Variants in WDR43 observed in about 807,000 individuals in gnomAD.
The protein encoded by WDR43 is WD repeat domain 43.
A neutral mutation model predicts 91.4 loss-of-function variants in WDR43; 13 were observed. The observed-to-expected ratio is 0.14, with a 90% CI of 0.09 to 0.23. WDR43 has a LOEUF of 0.23. WDR43 is among the 10% of genes least tolerant of loss of function. The probability of loss-of-function intolerance (pLI) is 1.00; values close to 1 mark genes in which losing one functional copy is unlikely to be tolerated. For missense variants in WDR43, 780 were observed against 809.4 expected, an observed-to-expected ratio of 0.96 and a Z score of 0.44; for synonymous variants, 331 against 287.9, an observed-to-expected ratio of 1.15 and a Z score of -1.51.
At chr2:28,906,366 A>C (rs1364308762) in intron 2 of WDR43, 94 bp from the exon 3 acceptor site, 2 of 1,278,724 alleles carry the variant, frequency 1.6e-6, no homozygotes, top group African/African-American at 1.5e-5. Context: ...TCATGCCTGT[A>C]ATCCCAGCAT....
intron 3 of WDR43, among the ~76,000 whole-genome samples, chr2:28,908,717 C>T (rs1205647842): frequency 1.3e-5 from 2 of 152,200 alleles, no homozygotes; most frequent in East Asian, 3.8e-4. Context: ...TCATCGTTAG[C>T]ATTCTTACGC....
At chr2:28,929,370 C>T (rs944206310) in intron 10 of WDR43, among the ~76,000 whole-genome samples, 5 of 151,978 alleles carry the variant, frequency 3.3e-5, no homozygotes, top group African/African-American at 1.2e-4. Flanking sequence ...TTGTTTTTTT[C>T]ACTAGAATCT....
At chr2:28,925,801 AAAT>A (rs1472824797) in intron 8 of WDR43, among the ~76,000 whole-genome samples, 2 of 152,208 alleles carry the variant, frequency 1.3e-5, no homozygotes, top group African/African-American at 4.8e-5. Context: ...TTAATTAAAA[AAAT>A]AAAAAAAGGA....
At chr2:28,937,743 T>C (rs1391333196) in intron 13 of WDR43, among the ~76,000 whole-genome samples, 188 bp from the exon 14 acceptor site, 2 of 152,204 alleles carry the variant, frequency 1.3e-5, no homozygotes, top group Admixed American at 6.5e-5. Context: ...CCAAGGTCTA[T>C]GACACAGAGC....
At position 28,946,864 on chromosome 2, in the gene WDR43, A is replaced by C. The variant is rs1437559499; in HGVS notation, c.*85A>C. On this transcript the variant is annotated 3_prime_UTR_variant, in exon 18 of 18. Coordinates refer to ENST00000407426, the MANE Select transcript of WDR43 (RefSeq NM_015131.3). Reference sequence around the variant, plus strand: ...GGGCTGCCTCTGTGCCAGGATGCCAAGGACCGCTGCACATTTCCAAATTCA... The same window carrying C: ...GGGCTGCCTCTGTGCCAGGATGCCACGGACCGCTGCACATTTCCAAATTCA... The C allele has an allele frequency of 1.4e-6, 2 of 1,427,566 alleles. No individual in the cohort carries two copies. Among genetic ancestry groups the C allele is most frequent in the East Asian group, 2.5e-5 (1 of 40,208 alleles). 88.4% of individuals were successfully genotyped at this position (1,427,566 alleles called of 1,614,324 possible). A position where few individuals can be genotyped will look rare whatever the true frequency, so the allele number is the denominator to read the frequency against.
intron 4 of WDR43, chr2:28,913,757 T>C (rs4666133): frequency 0.29 from 159,306 of 552,770 alleles, 28,871 homozygotes; most frequent in East Asian, 0.78. Flanking sequence ...ACCCAAAGTA[T>C]GCCTTTTAAA....
intron 16 of WDR43, 71 bp downstream of exon 16, chr2:28,942,452 C>G (rs1671456693): frequency 1.3e-6 from 2 of 1,506,054 alleles, no homozygotes; most frequent in Non-Finnish European, 1.8e-6. Flanking sequence ...GTTCTGTTAT[C>G]TTTTTGAAAA....
chr2:28,927,465 T>G, intron 9 of WDR43, 104 bp from the exon 10 acceptor site: 1 of 1,336,408 alleles, frequency 7.5e-7, no homozygotes, highest in Non-Finnish European at 1.0e-6. Flanking sequence ...TTATATTGCA[T>G]TTTTCCAATA....
At position 28,946,597 on chromosome 2, in the gene WDR43, T is replaced by C. The variant is rs745427438; in HGVS notation, c.1855-3T>C. 1.3e-6 allele frequency: 2 copies of C among 1,560,072 alleles called. No homozygotes were observed. The highest frequency in any genetic ancestry group is 1.2e-5 in the South Asian group (1 of 84,742). Reference sequence around the variant, plus strand: ...ATGCTTTCCTTGTTGGTATTTCGACTAGGATAATTGGGATGAAGATGAGGA... The same window carrying C: ...ATGCTTTCCTTGTTGGTATTTCGACCAGGATAATTGGGATGAAGATGAGGA... On this transcript the variant is annotated splice_region_variant and splice_polypyrimidine_tract_variant and intron_variant, in intron 17 of 17. Transcript: ENST00000407426.
intron 14 of WDR43, 116 bp from the exon 15 acceptor site, chr2:28,941,345 C>T: frequency 1.4e-6 from 1 of 693,778 alleles, no homozygotes; most frequent in Non-Finnish European, 2.4e-6. Flanking sequence ...ACTGGGAGTA[C>T]TTGTAAGCAG....
intron 11 of WDR43, among the ~76,000 whole-genome samples, chr2:28,930,420 G>A (rs917402850): frequency 2.0e-5 from 3 of 152,196 alleles, no homozygotes; most frequent in Non-Finnish European, 2.9e-5. Flanking sequence ...TATTCTTAAT[G>A]ACTCATAGCA....
rs1287267727 is a variant in WDR43, at chr2:28,947,054, ATATCC to A, written c.*278_*282del. The A allele has an allele frequency of 4.2e-6, 1 of 236,410 alleles. No homozygotes were observed. Among genetic ancestry groups the A allele is most frequent in the Non-Finnish European group, 8.1e-6 (1 of 123,110 alleles). The allele number at this position is 236,410 out of a possible 1,614,324, so 14.6% of individuals were successfully genotyped here. On this transcript the variant is annotated 3_prime_UTR_variant, in exon 18 of 18. Coordinates refer to ENST00000407426, the MANE Select transcript of WDR43 (RefSeq NM_015131.3). Reference sequence around the variant, plus strand: ...ATATATGGTATATTTTTATAATATAATATCCTAGTATGATTGGTTATATCAAGAAT... The same window carrying A: ...ATATATGGTATATTTTTATAATATAATAGTATGATTGGTTATATCAAGAAT...
At chr2:28,938,042 A>T (rs1671366205) in intron 14 of WDR43, 48 bp downstream of exon 14, 1 of 1,597,854 alleles carries the variant, frequency 6.3e-7, no homozygotes, top group Non-Finnish European at 8.6e-7. Context: ...TTTGGCTTTG[A>T]TAAGGATTGT....
At chr2:28,931,866 C>A (rs909446355) in intron 11 of WDR43, among the ~76,000 whole-genome samples, 1 of 145,368 alleles carries the variant, frequency 6.9e-6, no homozygotes, top group African/African-American at 2.6e-5. Flanking sequence ...CATGCCCTTC[C>A]CCCCGCCCTT....
At chr2:28,901,245 C>T (rs1670573680) in intron 1 of WDR43, among the ~76,000 whole-genome samples, 1 of 152,186 alleles carries the variant, frequency 6.6e-6, no homozygotes, top group African/African-American at 2.4e-5. Flanking sequence ...GCATTATAAA[C>T]TGATGTAGTG....
intron 2 of WDR43, 102 bp downstream of exon 2, chr2:28,902,226 C>A: frequency 8.3e-7 from 1 of 1,203,600 alleles, no homozygotes; most frequent in Non-Finnish European, 1.1e-6. Context: ...GGGATCTGTG[C>A]AGTAGGGACA....
At chr2:28,946,380 C>T in intron 16 of WDR43, 70 bp from the exon 17 acceptor site, 1 of 1,421,602 alleles carries the variant, frequency 7.0e-7, no homozygotes, top group Non-Finnish European at 9.4e-7. Context: ...GAATCTGGTT[C>T]TGCTTAATTT....
rs754562695 is a variant in WDR43, at chr2:28,927,557, C to A, written c.1174-12C>A. ...TTTCCTTTTTCACACTTTGGCTATT[C>A]CTGTTGAACAGGTGAGGACACCAGT... On this transcript the variant is annotated splice_polypyrimidine_tract_variant and intron_variant, in intron 9 of 17. Transcript: ENST00000407426. 9 of 1,611,596 alleles carry A rather than the reference C, an allele frequency of 5.6e-6. No individual in the cohort carries two copies. The South Asian group carries it at 9.9e-5, about 18-fold the overall frequency.
At chr2:28,935,644 C>T (rs1216410705) in intron 12 of WDR43, 37 bp downstream of exon 12, 3 of 1,415,846 alleles carry the variant, frequency 2.1e-6, no homozygotes, top group South Asian at 2.8e-5. Flanking sequence ...CATCCTAATG[C>T]CATGAGTTAA....
Sources: allele counts gnomAD v4.1 joint callset (sites outside exome capture counted in the v4.1 genomes callset), GRCh38; gene constraint gnomAD v4.1.1; transcripts MANE v1.5; gene names NCBI Gene and HGNC (gene_info 2026-07-23, HGNC 2026-07-21).